ATRN: variants seen among roughly 807,000 people sequenced by gnomAD.
The protein encoded by ATRN is attractin-2.
In ATRN, 54 loss-of-function variants were observed where a neutral mutation model predicts 178.7. The ratio of observed to expected loss-of-function variants is 0.30; its 90% CI spans 0.24 to 0.38. ATRN has a LOEUF of 0.38. Among genes scored for constraint, ATRN ranks in the 10% least tolerant of loss-of-function variants. ATRN has a pLI of 1.00. For synonymous variants in ATRN, 636 were observed against 663.0 expected (o/e 0.96, Z 0.63); for missense variants, 1,443 against 1,815.1 (o/e 0.79, Z 3.73).
intron 3 of ATRN, among the ~76,000 whole-genome samples, chr20:3,544,650 T>C (rs947674124): frequency 6.6e-6 from 1 of 152,200 alleles, no homozygotes; most frequent in African/African-American, 2.4e-5. Flanking sequence ...TTTTTACTTA[T>C]TAAATTAACA....
At chr20:3,627,190 T>G (rs1458177885) in intron 25 of ATRN, among the ~76,000 whole-genome samples, 2 of 152,204 alleles carry the variant, frequency 1.3e-5, no homozygotes, top group Non-Finnish European at 2.9e-5. Flanking sequence ...GCTTCGAGGT[T>G]ATAGCTGTAA....
At chr20:3,501,986 A>G (rs2084971191) in intron 1 of ATRN, among the ~76,000 whole-genome samples, 1 of 152,192 alleles carries the variant, frequency 6.6e-6, no homozygotes. Flanking sequence ...GCTGAAGCCC[A>G]GCTTTCACAT....
chr20:3,486,250 C>T (rs1600011552), intron 1 of ATRN, among the ~76,000 whole-genome samples: 1 of 151,992 alleles, frequency 6.6e-6, no homozygotes, highest in Non-Finnish European at 1.5e-5. Flanking sequence ...TCAACATTTG[C>T]AACTCATAGC....
chr20:3,572,851 T>A lies in ATRN; in HGVS notation c.1992T>A (p.Ile664=), dbSNP rs1568737957. The change falls in exon 12 of 29, where the codon ATT becomes ATA. Residue 664 remains isoleucine, a synonymous_variant. Transcript: ENST00000262919. ...CTTGTTTAGCAGCAGGACCTGGTAT[T>A]CGGTGTGTGTGGAACACAGGGTCGT... ...EAACLAAGPG[I]RCVWNTGSSQ... 2 of 1,613,692 alleles carry A rather than the reference T, an allele frequency of 1.2e-6. No individual in the cohort carries two copies. The highest frequency in any genetic ancestry group is 2.2e-5 in the South Asian group (2 of 91,026).
intron 1 of ATRN, among the ~76,000 whole-genome samples, chr20:3,478,605 A>G (rs1388435713): frequency 1.3e-5 from 2 of 152,216 alleles, no homozygotes; most frequent in Admixed American, 1.3e-4. Context: ...TGATGGGTGC[A>G]GTAAACCACT....
At chr20:3,626,896 C>T (rs2086945787) in intron 25 of ATRN, among the ~76,000 whole-genome samples, 2 of 150,818 alleles carry the variant, frequency 1.3e-5, no homozygotes, top group African/African-American at 2.5e-5. Flanking sequence ...AAGCAATTCT[C>T]CTGCCTCAGC....
At chr20:3,521,788 T>C (rs969909911) in intron 1 of ATRN, among the ~76,000 whole-genome samples, 3 of 152,142 alleles carry the variant, frequency 2.0e-5, no homozygotes, top group Admixed American at 1.3e-4. Context: ...CCATATGTCA[T>C]GTGTTCTGTT....
At chr20:3,487,845 A>G (rs953285671) in intron 1 of ATRN, among the ~76,000 whole-genome samples, 5 of 152,178 alleles carry the variant, frequency 3.3e-5, no homozygotes, top group Admixed American at 6.5e-5. Flanking sequence ...GCCTTGGTCC[A>G]TGCTGAAACT....
intron 23 of ATRN, among the ~76,000 whole-genome samples, chr20:3,603,467 C>T (rs1057158812): frequency 6.6e-6 from 1 of 151,460 alleles, no homozygotes; most frequent in African/African-American, 2.4e-5. Context: ...TACATGGATT[C>T]CTGGTAAAAC....
At chr20:3,545,387 A>G (rs896358091) in intron 3 of ATRN, among the ~76,000 whole-genome samples, 2 of 151,826 alleles carry the variant, frequency 1.3e-5, no homozygotes, top group Non-Finnish European at 2.9e-5. Flanking sequence ...AAAAACAACA[A>G]AAACCTCATG....
chr20:3,494,479 A>G (rs1435831371), intron 1 of ATRN, among the ~76,000 whole-genome samples: 1 of 152,182 alleles, frequency 6.6e-6, no homozygotes, highest in South Asian at 2.1e-4. Context: ...GCCACAGTTA[A>G]GAGACTGTTG....
At chr20:3,509,537 G>A (rs1027305798) in intron 1 of ATRN, among the ~76,000 whole-genome samples, 15 of 147,460 alleles carry the variant, frequency 1.0e-4, no homozygotes, top group African/African-American at 3.5e-4. Context: ...TTGCTCTGTC[G>A]CCCAGGCTGG....
At chr20:3,554,988 CTCTT>C (rs2085848309) in intron 6 of ATRN, among the ~76,000 whole-genome samples, 1 of 126,496 alleles carries the variant, frequency 7.9e-6, no homozygotes, top group Non-Finnish European at 1.6e-5. Flanking sequence ...GTGACCTGAC[CTCTT>C]TTTTTTTTTT....
intron 3 of ATRN, among the ~76,000 whole-genome samples, chr20:3,542,345 C>T (rs1447524232): frequency 1.3e-5 from 2 of 152,154 alleles, no homozygotes; most frequent in Non-Finnish European, 2.9e-5. Context: ...CTTGTAGGAA[C>T]ATGAGCCAAG....
intron 1 of ATRN, among the ~76,000 whole-genome samples, chr20:3,523,189 A>G (rs983006694): frequency 2.0e-5 from 3 of 152,034 alleles, no homozygotes; most frequent in Non-Finnish European, 4.4e-5. Context: ...GGCAATTGCT[A>G]ACTAGAATAA....
At chr20:3,561,023 ACATAGTAAAC>A in intron 8 of ATRN, 118 bp downstream of exon 8, 1 of 1,324,536 alleles carries the variant, frequency 7.5e-7, no homozygotes, top group African/African-American at 1.5e-5. Flanking sequence ...TTATCTTGAA[ACATAGTAAAC>A]ACTGGGCCCA....
At position 3,488,212 on chromosome 20, in the gene ATRN, G is replaced by A. The variant is rs239104; in HGVS notation, c.410+16695G>A. 7.9e-3 allele frequency among the ~76,000 whole-genome samples: 1,204 copies of A among 152,074 alleles called. 19 individuals are homozygous for A. Among genetic ancestry groups the A allele is most frequent in the African/African-American group, 0.027 (1,134 of 41,458 alleles). On this transcript the variant is annotated intron_variant, in intron 1 of 28. Coordinates refer to ENST00000262919, the MANE Select transcript of ATRN (RefSeq NM_139321.3). ...ATTGCATTTACTTCTTGATTTTAAC[G>A]TAGTGAAATGTATTGATTTTTTTCC...
intron 26 of ATRN, among the ~76,000 whole-genome samples, chr20:3,637,733 G>T (rs562425477): frequency 6.6e-6 from 1 of 152,242 alleles, no homozygotes; most frequent in East Asian, 1.9e-4. Context: ...TATGGGCTAG[G>T]AACACATTTC....
rs769276415 is a variant in ATRN at position 3,560,922 on chromosome 20, C to T, written c.1447+17C>T. 5.0e-6 allele frequency: 8 copies of T among 1,610,552 alleles called. No homozygotes were observed. Among genetic ancestry groups the T allele is most frequent in the Non-Finnish European group, 5.9e-6 (7 of 1,177,314 alleles). ...ATGATTTGGGTAGGTATATTTTTTC[C>T]AGTAGATGCCTTTTGAACATCAGAT... On this transcript the variant is annotated intron_variant, in intron 8 of 28. Transcript: ENST00000262919.
Sources: gnomAD v4.1 joint callset for allele counts (sites outside exome capture counted in the v4.1 genomes callset) on GRCh38, gnomAD v4.1.1 for gene constraint, MANE v1.5 for transcripts, NCBI Gene and HGNC (gene_info 2026-07-23, HGNC 2026-07-21) for gene names.